Variants in RCOR1 observed in about 807,000 individuals in gnomAD.
RCOR1 encodes the protein REST corepressor 1.
Under a neutral mutation model 64.0 loss-of-function variants are expected in RCOR1, and 12 were observed. The ratio of observed to expected loss-of-function variants is 0.19; its 90% CI spans 0.12 to 0.30. The LOEUF (loss-of-function observed/expected upper bound fraction) is 0.30, where lower values mean the gene tolerates loss of function less well. RCOR1 is among the 10% of genes least tolerant of loss of function. The pLI is 1.00. For missense variants in RCOR1, 502 were observed against 621.2 expected (o/e 0.81, Z 2.04); for synonymous variants, 279 against 227.2 (o/e 1.23, Z -2.05).
At chr14:102,714,763 C>A (rs1896034042) in intron 8 of RCOR1, 146 bp downstream of exon 8, 1 of 592,018 alleles carries the variant, frequency 1.7e-6, no homozygotes, top group South Asian at 3.0e-5. Flanking sequence ...TAAGTACCAG[C>A]CCATTGTTTT....
At chr14:102,611,506 A>G (rs1280850116) in intron 2 of RCOR1, among the ~76,000 whole-genome samples, 1 of 151,210 alleles carries the variant, frequency 6.6e-6, no homozygotes, top group Non-Finnish European at 1.5e-5. Context: ...TTATCTGTTG[A>G]TTTTTGGATG....
intron 10 of RCOR1, 115 bp from the exon 11 acceptor site, chr14:102,722,072 C>A: frequency 1.4e-6 from 1 of 728,098 alleles, no homozygotes; most frequent in Non-Finnish European, 2.3e-6. Context: ...GAAATTATTG[C>A]CTGCTGTTAA....
chr14:102,627,533 T>A (rs1237465778), intron 2 of RCOR1, among the ~76,000 whole-genome samples: 1 of 151,942 alleles, frequency 6.6e-6, no homozygotes, highest in African/African-American at 2.4e-5. Flanking sequence ...GGCGGGTGCC[T>A]GTAATCCCAG....
intron 2 of RCOR1, chr14:102,657,960 A>C (rs188601752): frequency 8.0e-4 from 772 of 964,702 alleles, no homozygotes; most frequent in Non-Finnish European, 9.0e-4. Flanking sequence ...GTTCTTTTTA[A>C]TTTAATTTAA....
chr14:102,626,222 C>T (rs150224775), intron 2 of RCOR1, among the ~76,000 whole-genome samples: 19 of 152,300 alleles, frequency 1.2e-4, no homozygotes, highest in African/African-American at 4.1e-4. Flanking sequence ...ATTCCTTTGT[C>T]TTCTTGTTTC....
chr14:102,709,181 A>G (rs1246961847), intron 6 of RCOR1, among the ~76,000 whole-genome samples: 4 of 152,228 alleles, frequency 2.6e-5, no homozygotes, highest in Non-Finnish European at 5.9e-5. Context: ...TTCCACTTAC[A>G]TGCCACAGGC....
intron 2 of RCOR1, among the ~76,000 whole-genome samples, chr14:102,618,314 C>A (rs984885101): frequency 2.0e-5 from 3 of 151,748 alleles, no homozygotes; most frequent in Non-Finnish European, 2.9e-5. Context: ...GTATATATTT[C>A]TTTGCTTGGG....
At chr14:102,599,783 A>C (rs1893345636) in intron 2 of RCOR1, among the ~76,000 whole-genome samples, 1 of 149,386 alleles carries the variant, frequency 6.7e-6, no homozygotes, top group Admixed American at 6.8e-5. Context: ...AATATGGTGA[A>C]TGCTTTGTGG....
At chr14:102,690,548 G>A (rs865924595) in intron 3 of RCOR1, among the ~76,000 whole-genome samples, 3 of 151,900 alleles carry the variant, frequency 2.0e-5, no homozygotes, top group South Asian at 4.2e-4. Context: ...CTGTGATTGC[G>A]CCACTGCACT....
At chr14:102,650,629 T>C (rs1470767316) in intron 2 of RCOR1, among the ~76,000 whole-genome samples, 2 of 152,220 alleles carry the variant, frequency 1.3e-5, no homozygotes, top group Non-Finnish European at 2.9e-5. Context: ...TTAAGCCACT[T>C]AATTTTCCTA....
At chr14:102,612,665 C>G (rs1256836017) in intron 2 of RCOR1, among the ~76,000 whole-genome samples, 1 of 151,898 alleles carries the variant, frequency 6.6e-6, no homozygotes, top group Non-Finnish European at 1.5e-5. Flanking sequence ...TGATGAAGTA[C>G]TCCATCTGAT....
At chr14:102,643,242 C>A (rs1894408821) in intron 2 of RCOR1, 1 of 451,708 alleles carries the variant, frequency 2.2e-6, no homozygotes, top group Non-Finnish European at 2.9e-6. Context: ...CCAGATCATG[C>A]CACTGCACTC....
At chr14:102,617,581 CTCTT>C (rs1162648556) in intron 2 of RCOR1, among the ~76,000 whole-genome samples, 1 of 121,516 alleles carries the variant, frequency 8.2e-6, no homozygotes, top group African/African-American at 3.4e-5. Context: ...AAGACACTGT[CTCTT>C]TCTTTTTTTT....
At chr14:102,641,755 C>T (rs1295822482) in intron 2 of RCOR1, among the ~76,000 whole-genome samples, 1 of 152,200 alleles carries the variant, frequency 6.6e-6, no homozygotes, top group Admixed American at 6.5e-5. Context: ...TTCTTGCCCA[C>T]TAACATGTAT....
At chr14:102,709,142 G>T (rs1895911934) in intron 6 of RCOR1, among the ~76,000 whole-genome samples, 1 of 152,228 alleles carries the variant, frequency 6.6e-6, no homozygotes, top group South Asian at 2.1e-4. Flanking sequence ...CTCACACTCA[G>T]AAATGGGCTC....
chr14:102,653,998 T>TGTTTC (rs1595214214), intron 2 of RCOR1, among the ~76,000 whole-genome samples: 1 of 126,598 alleles, frequency 7.9e-6, no homozygotes, highest in African/African-American at 3.3e-5. Flanking sequence ...TTTTTTTTTT[T>TGTTTC]TTTTTGAGAC....
intron 2 of RCOR1, among the ~76,000 whole-genome samples, chr14:102,614,671 G>A (rs1206700513): frequency 2.0e-5 from 3 of 152,034 alleles, no homozygotes; most frequent in Admixed American, 1.3e-4. Flanking sequence ...TGCCATTTTT[G>A]TACCGCATTC....
chr14:102,692,440 AACACACACACACACACAC>A lies in RCOR1; in HGVS notation c.446-8823_446-8806del, dbSNP rs10622844. 3.4e-5 allele frequency among the ~76,000 whole-genome samples: 5 copies of A among 146,244 alleles called. No individual in the cohort carries two copies. In the East Asian group the frequency reaches 6.0e-4, roughly 18 times the overall value. On this transcript the variant is annotated intron_variant, in intron 3 of 11. Transcript: ENST00000262241. The stretch of plus-strand genomic sequence containing the variant: ...CTCTCAAGTAGTTCAGGAAAAAGTT[AACACACACACACACACAC>A]ACACACACACACACGCTTATTTTTA...
rs1894664921 is a variant in RCOR1, at chr14:102,653,987, T to TC, written c.362-27908_362-27907insC. On this transcript the variant is annotated intron_variant, in intron 2 of 11. Coordinates refer to ENST00000262241, the MANE Select transcript of RCOR1 (RefSeq NM_015156.4). ...TCTTTCTTTCTTTCTTTCTTTCTTT[T>TC]TTTTTTTTTTTTTTTTGAGACGGAG... is the stretch of plus-strand genomic sequence containing the variant. Among the ~76,000 whole-genome samples the TC allele has an allele frequency of 4.2e-5, 4 of 94,940 alleles. 1 individual carries two copies. The highest frequency in any genetic ancestry group is 1.4e-4 in the African/African-American group (3 of 21,544). The allele number at this position is 94,940 out of a possible 152,430, so 62.3% of individuals were successfully genotyped here.
Sources: gnomAD v4.1 joint callset for allele counts (sites outside exome capture counted in the v4.1 genomes callset) on GRCh38, gnomAD v4.1.1 for gene constraint, MANE v1.5 for transcripts, NCBI Gene and HGNC (gene_info 2026-07-23, HGNC 2026-07-21) for gene names.